Variants in PNPLA3 observed in about 807,000 individuals in gnomAD.
PNPLA3 encodes patatin like domain 3, 1-acylglycerol-3-phosphate O-acyltransferase.
In PNPLA3, 42 loss-of-function variants were observed where a neutral mutation model predicts 43.1. The observed-to-expected ratio is 0.97, with a 90% confidence interval of 0.76 to 1.26. The LOEUF (loss-of-function observed/expected upper bound fraction) is 1.26. Ranked by LOEUF, PNPLA3 falls within the 50% of genes most tolerant of loss-of-function variation. The pLI is 0.00. For synonymous variants in PNPLA3, 272 were observed against 253.6 expected, an observed-to-expected ratio of 1.07 and a Z score of -0.69; for missense variants, 647 against 621.4, an observed-to-expected ratio of 1.04 and a Z score of -0.44.
intron 6 of PNPLA3, among the ~76,000 whole-genome samples, chr22:43,939,666 A>G (rs1400578195): frequency 6.6e-6 from 1 of 152,184 alleles, no homozygotes; most frequent in South Asian, 2.1e-4. Flanking sequence ...AATACAAAAA[A>G]TTAGCTGGGC....
In PNPLA3 at chr22:43,923,823, C is replaced by G. The variant is rs1327680347; in HGVS notation, c.-89C>G. 1.5e-6 allele frequency: 2 copies of G among 1,313,334 alleles called. No homozygotes were observed. The highest frequency in any genetic ancestry group is 2.0e-6 in the Non-Finnish European group (2 of 1,010,728). The allele number at this position is 1,313,334 out of a possible 1,614,324, so 81.4% of individuals were successfully genotyped here. On this transcript the variant is annotated 5_prime_UTR_variant, in exon 1 of 9. Coordinates refer to ENST00000216180, the MANE Select transcript of PNPLA3 (RefSeq NM_025225.3). Reference sequence around the variant, plus strand: ...GCAGGGTAGAGAGCGCTTGCGGGCGCCGGGCGGAGCTGCTGCGGATCAGGA... The same window carrying G: ...GCAGGGTAGAGAGCGCTTGCGGGCGGCGGGCGGAGCTGCTGCGGATCAGGA...
intron 8 of PNPLA3, among the ~76,000 whole-genome samples, chr22:43,945,842 G>A (rs2050059534): frequency 6.6e-6 from 1 of 152,138 alleles, no homozygotes; most frequent in Admixed American, 6.5e-5. Flanking sequence ...GTGGGTGGTA[G>A]GACACCCTGG....
At chr22:43,935,461 C>T (rs2049989120) in intron 5 of PNPLA3, among the ~76,000 whole-genome samples, 1 of 151,958 alleles carries the variant, frequency 6.6e-6, no homozygotes, top group Non-Finnish European at 1.5e-5. Flanking sequence ...AATGAGAAGG[C>T]ACAGGTGTCA....
chr22:43,934,584 C>T (rs190608878), intron 4 of PNPLA3, 22 bp from the exon 5 acceptor site: 1 of 1,606,786 alleles, frequency 6.2e-7, no homozygotes, highest in East Asian at 2.2e-5. Context: ...TGCTGTAGTC[C>T]CCTTGCTTGC....
At chr22:43,945,771 G>A (rs1603417546) in intron 8 of PNPLA3, among the ~76,000 whole-genome samples, 1 of 152,154 alleles carries the variant, frequency 6.6e-6, no homozygotes, top group Admixed American at 6.5e-5. Flanking sequence ...AGGAGGAGGT[G>A]TCGGTTCCAA....
intron 3 of PNPLA3, among the ~76,000 whole-genome samples, chr22:43,930,370 C>T (rs1453406916): frequency 2.0e-5 from 3 of 152,268 alleles, no homozygotes; most frequent in East Asian, 3.9e-4. Flanking sequence ...TAGTGGTCCA[C>T]GGAGCCACTG....
intron 7 of PNPLA3, among the ~76,000 whole-genome samples, chr22:43,943,963 A>G (rs2050046992): frequency 6.6e-6 from 1 of 151,560 alleles, no homozygotes; most frequent in South Asian, 2.1e-4. Context: ...TAATTTTTGT[A>G]TTTTTAGTAG....
intron 6 of PNPLA3, chr22:43,939,326 T>G (rs1276325054): frequency 1.1e-6 from 1 of 915,296 alleles, no homozygotes; most frequent in Non-Finnish European, 1.3e-6. Flanking sequence ...CATTTTCTAT[T>G]TAATTTCAGC....
intron 6 of PNPLA3, chr22:43,939,562 C>T (rs2050017749): frequency 3.0e-6 from 1 of 333,626 alleles, no homozygotes; most frequent in Non-Finnish European, 4.3e-6. Flanking sequence ...CACCTGTAAT[C>T]CTAGCACTTT....
chr22:43,927,610 C>G (rs1428351493), intron 2 of PNPLA3, among the ~76,000 whole-genome samples: 1 of 144,196 alleles, frequency 6.9e-6, no homozygotes, highest in African/African-American at 2.6e-5. Context: ...GTTTGTAAAC[C>G]CTGAATGTTC....
chr22:43,946,350 T>G lies in PNPLA3; in HGVS notation c.1414T>G (p.Phe472Val), dbSNP rs1486285024. The G allele has an allele frequency of 1.2e-6, 2 of 1,614,188 alleles. No individual in the cohort carries two copies. The highest frequency in any genetic ancestry group is 1.7e-6 in the Non-Finnish European group (2 of 1,180,028). ...VPAGAEGLST[F>V]PSFSLEKSL ...TGCTGGTGCTGAGGGGCTCTCCACC[T>G]TTCCCAGTTTTTCACTAGAGAAGAG... Residue 472 changes from phenylalanine to valine, a missense_variant, in exon 9 of 9, where the codon TTT (phenylalanine) becomes GTT (valine). By Grantham distance (50) the Phe-to-Val change is conservative (BLOSUM62 -1). Transcript: ENST00000216180.
chr22:43,946,918 A>G lies in PNPLA3; in HGVS notation c.*536A>G, dbSNP rs976269034. Reference sequence around the variant, plus strand: ...ACGTCTCCATGGCGGGGGTAACAAGATGATAATCTACTTAATTTTAGAACA... The same window carrying G: ...ACGTCTCCATGGCGGGGGTAACAAGGTGATAATCTACTTAATTTTAGAACA... On this transcript the variant is annotated 3_prime_UTR_variant, in exon 9 of 9. Transcript: ENST00000216180. 1 of 326,486 alleles carries G rather than the reference A, an allele frequency of 3.1e-6. No homozygotes were observed. Among genetic ancestry groups the G allele is most frequent in the Non-Finnish European group, 6.0e-6 (1 of 166,140 alleles). 20.2% of individuals were successfully genotyped at this position (326,486 alleles called of 1,614,324 possible).
intron 3 of PNPLA3, among the ~76,000 whole-genome samples, chr22:43,932,367 G>C (rs561734658): frequency 6.6e-6 from 1 of 152,140 alleles, no homozygotes; most frequent in Non-Finnish European, 1.5e-5. Flanking sequence ...GTCAAAGCAT[G>C]GGGGGAGATG....
Position 43,937,134 on chromosome 22 carries a change from A to C in PNPLA3, c.841A>C (p.Met281Leu), listed in dbSNP as rs1282108483. Residue 281 changes from methionine to leucine, a missense_variant, in exon 6 of 9, where the codon ATG becomes CTG. Coordinates refer to ENST00000216180, the MANE Select transcript of PNPLA3 (RefSeq NM_025225.3). ...GGTCGCCATGCCCAGCTGGGCAAAC[A>C]TGAGTCTGGATTCTTCCCCGGAGTC... The part of the protein sequence containing the change: ...PEVAMPSWAN[M>L]SLDSSPESAA... 6 of 1,614,116 alleles carry C rather than the reference A, an allele frequency of 3.7e-6. No homozygotes were observed. The East Asian group carries it at 1.3e-4, about 36-fold the overall frequency.
In PNPLA3 at chr22:43,927,137, T is replaced by C; in HGVS notation, c.390T>C (p.Ser130=). ...CTGATGGGGAAAACGTTCTGGTGTC[T>C]GACTTTCGGTCCAAAGACGAAGTCG... The part of the protein sequence containing the change: ...RVSDGENVLV[S]DFRSKDEVVD... Residue 130 remains serine (S), a synonymous_variant, in exon 2 of 9, where the codon TCT becomes TCC. Transcript: ENST00000216180. 1 of 1,614,230 alleles carries C rather than the reference T, an allele frequency of 6.2e-7. No homozygotes were observed. Among genetic ancestry groups the C allele is most frequent in the Non-Finnish European group, 8.5e-7 (1 of 1,180,028 alleles).
intron 7 of PNPLA3, among the ~76,000 whole-genome samples, chr22:43,942,301 G>T (rs913552980): frequency 3.3e-5 from 5 of 152,122 alleles, no homozygotes; most frequent in East Asian, 3.8e-4. Flanking sequence ...CTTTTCCCTG[G>T]TTTTTCTGGA....
chr22:43,939,887 G>T, intron 6 of PNPLA3, 106 bp from the exon 7 acceptor site: 1 of 1,531,428 alleles, frequency 6.5e-7, no homozygotes, highest in Non-Finnish European at 9.0e-7. Flanking sequence ...TGACCCTTTG[G>T]CTGCCAGGAC....
intron 7 of PNPLA3, among the ~76,000 whole-genome samples, chr22:43,940,783 T>C (rs868438262): frequency 8.5e-5 from 13 of 152,148 alleles, no homozygotes; most frequent in African/African-American, 2.4e-4. Context: ...CACTCCAGCC[T>C]GGGTGACAGG....
rs539947591 is a variant in PNPLA3 at position 43,930,593 on chromosome 22, G to A, written c.486+1704G>A. Among the ~76,000 whole-genome samples the A allele has an allele frequency of 2.2e-4, 33 of 152,292 alleles. No homozygotes were observed. In the East Asian group the frequency reaches 3.9e-3, roughly 18 times the overall value. ...ACGGTTCTGGCTTTCCTTCCTGGTC[G>A]AGAGTTTCAAGCCCTCTGGGTCCTA... is the stretch of plus-strand genomic sequence containing the variant. On this transcript the variant is annotated intron_variant, in intron 3 of 8. Coordinates refer to ENST00000216180, the MANE Select transcript of PNPLA3 (RefSeq NM_025225.3).
Sources: gnomAD v4.1 joint callset for allele counts (sites outside exome capture counted in the v4.1 genomes callset) on GRCh38, gnomAD v4.1.1 for gene constraint, MANE v1.5 for transcripts, NCBI Gene and HGNC (gene_info 2026-07-23, HGNC 2026-07-21) for gene names.